ZNF761: variants seen among roughly 807,000 people sequenced by gnomAD.
ZNF761 encodes the protein zinc finger protein 761.
ZNF761 carries 43 observed loss-of-function variants against 59.9 expected under a neutral mutation model. The ratio of observed to expected loss-of-function variants is 0.72; its 90% CI spans 0.56 to 0.92. ZNF761 has a LOEUF of 0.92. ZNF761 is among the 40% of genes least tolerant of loss of function. The pLI, the probability that ZNF761 is intolerant of heterozygous loss-of-function variation, is 0.00. For synonymous variants in ZNF761, 294 were observed against 304.8 expected, an observed-to-expected ratio of 0.96 and a Z score of 0.37; for missense variants, 850 against 906.1, an observed-to-expected ratio of 0.94 and a Z score of 0.79.
chr19:53,449,452 T>A, intron 3 of ZNF761, 60 bp from the exon 4 acceptor site: 1 of 1,613,454 alleles, frequency 6.2e-7, no homozygotes, highest in Non-Finnish European at 8.5e-7. Flanking sequence ...TTCTTCTCAT[T>A]TTCTGTAAAG....
chr19:53,454,692 C>T lies in ZNF761; in HGVS notation c.185C>T (p.Ala62Val), dbSNP rs148252402. The T allele has an allele frequency of 1.3e-4, 204 of 1,611,116 alleles. No individual in the cohort carries two copies. The highest frequency in any genetic ancestry group is 1.5e-4 in the Non-Finnish European group (179 of 1,178,276). ...ACGATGAAGGAGTTCTTGTCAACAG[C>T]GCAAGGCAACAGAGAAGTGTTCCAT... is the stretch of plus-strand genomic sequence containing the variant. The part of the protein sequence containing the change: ...KCTMKEFLST[A>V]QGNREVFHAG... Residue 62 changes from alanine to valine, a missense_variant, in exon 5 of 5, where the codon GCG becomes GTG. Physicochemically the swap from Ala to Val is moderately conservative, Grantham distance 64. Transcript: ENST00000684525.
intron 3 of ZNF761, among the ~76,000 whole-genome samples, chr19:53,447,740 A>G (rs183008413): frequency 1.4e-4 from 21 of 152,296 alleles, no homozygotes; most frequent in African/African-American, 5.1e-4. Flanking sequence ...ATACATTTTT[A>G]GTTTTTTGAG....
chr19:53,447,955 C>T (rs2086178510), intron 3 of ZNF761, among the ~76,000 whole-genome samples: 1 of 152,122 alleles, frequency 6.6e-6, no homozygotes, highest in African/African-American at 2.4e-5. Context: ...GCTTGTGAAA[C>T]AGGTGTTTTC....
At chr19:53,451,058 T>TCAGAATTATTTC (rs552697068) in intron 4 of ZNF761, among the ~76,000 whole-genome samples, 130 of 152,262 alleles carry the variant, frequency 8.5e-4, no homozygotes, top group African/African-American at 2.9e-3. Flanking sequence ...TGTATTTATG[T>TCAGAATTATTTC]CAGAATTATT....
intron 3 of ZNF761, among the ~76,000 whole-genome samples, chr19:53,447,655 T>G (rs1427737482): frequency 1.3e-5 from 2 of 152,172 alleles, no homozygotes; most frequent in Admixed American, 6.5e-5. Context: ...AGTCATGTAT[T>G]CATGTGCACA....
intron 1 of ZNF761, among the ~76,000 whole-genome samples, chr19:53,435,289 CTTTTTTTTTTTTTTTTTTT>C (rs368157010): frequency 3.7e-5 from 2 of 53,616 alleles, no homozygotes; most frequent in South Asian, 6.7e-4. Context: ...AATACAAGTC[CTTTTTTTTTTTTTTTTTTT>C]TTTTTTTTTT....
intron 1 of ZNF761, chr19:53,443,025 A>G (rs949508383): frequency 3.5e-5 from 10 of 288,674 alleles, no homozygotes; most frequent in Non-Finnish European, 6.1e-5. Flanking sequence ...AACAATTTCT[A>G]AATAGTTTCT....
chr19:53,440,365 T>C (rs991710532), intron 1 of ZNF761, among the ~76,000 whole-genome samples: 2 of 152,142 alleles, frequency 1.3e-5, no homozygotes, highest in African/African-American at 4.8e-5. Context: ...TGGGTTCAGA[T>C]GAGTGGGTGA....
At chr19:53,435,454 G>A (rs79666086) in intron 1 of ZNF761, among the ~76,000 whole-genome samples, 4,644 of 151,630 alleles carry the variant, frequency 0.031, 124 homozygotes, top group East Asian at 0.14. Flanking sequence ...ACAGGCATGC[G>A]CCACCATGCC....
chr19:53,443,004 A>C, intron 1 of ZNF761: 1 of 277,876 alleles, frequency 3.6e-6, no homozygotes, highest in South Asian at 3.2e-5. Context: ...AATTTGTTAG[A>C]TTTTTAAAAA....
At chr19:53,449,764 C>T (rs1788225470) in intron 4 of ZNF761, 126 bp downstream of exon 4, 1 of 1,517,072 alleles carries the variant, frequency 6.6e-7, no homozygotes, top group South Asian at 1.3e-5. Flanking sequence ...TCATGGCTCA[C>T]TGCAGTCTTG....
chr19:53,445,908 C>T (rs2086154001), intron 1 of ZNF761, among the ~76,000 whole-genome samples: 1 of 152,130 alleles, frequency 6.6e-6, no homozygotes, highest in Admixed American at 6.5e-5. Context: ...GTGACCAGGG[C>T]CCCTGCCAGT....
intron 3 of ZNF761, among the ~76,000 whole-genome samples, chr19:53,448,357 C>T (rs1352682820): frequency 1.3e-5 from 2 of 152,220 alleles, no homozygotes; most frequent in African/African-American, 4.8e-5. Context: ...ATGATGTATC[C>T]ATTTGTTTTG....
chr19:53,450,250 C>G (rs2086208872), intron 4 of ZNF761: 1 of 166,846 alleles, frequency 6.0e-6, no homozygotes, highest in South Asian at 2.0e-4. Flanking sequence ...TTGCAGTGAG[C>G]CAAGATCACC....
chr19:53,442,944 ATTTTTT>A (rs2086115458), intron 1 of ZNF761: 1 of 324,072 alleles, frequency 3.1e-6, no homozygotes, highest in Non-Finnish European at 6.0e-6. Flanking sequence ...AGCTCACATC[ATTTTTT>A]TCTGTACAAG....
At chr19:53,452,261 T>G (rs973659614) in intron 4 of ZNF761, among the ~76,000 whole-genome samples, 3 of 152,142 alleles carry the variant, frequency 2.0e-5, no homozygotes, top group African/African-American at 7.2e-5. Context: ...GAGGGGCAGA[T>G]CACCTGATTT....
rs200075395 is a variant in ZNF761 at position 53,449,601 on chromosome 19, C to T, written c.105C>T (p.Asp35=). The part of the protein sequence containing the change: ...LDPAQRTLYR[D]VMLENYRNLV... ...CTGCTCAGAGGACTCTATACAGGGA[C>T]GTGATGCTGGAGAATTATAGGAACC... The change falls in exon 4 of 5, where the codon GAC becomes GAT. Residue 35 remains aspartate (D), a synonymous_variant. Transcript: ENST00000684525. 3.2e-5 allele frequency: 52 copies of T among 1,611,420 alleles called. No individual in the cohort carries two copies. The highest frequency in any genetic ancestry group is 6.6e-5 in the South Asian group (6 of 90,818).
intron 1 of ZNF761, among the ~76,000 whole-genome samples, chr19:53,440,952 A>G (rs191874089): frequency 6.6e-6 from 1 of 152,308 alleles, no homozygotes; most frequent in East Asian, 1.9e-4. Flanking sequence ...CTGGGATTAC[A>G]AGGATAAGCC....
rs531744761 is a variant in ZNF761 at position 53,454,974 on chromosome 19, C to T, written c.467C>T (p.Thr156Ile). 1 of 1,613,958 alleles carries T rather than the reference C, an allele frequency of 6.2e-7. No individual in the cohort carries two copies. The highest frequency in any genetic ancestry group is 1.7e-5 in the Admixed American group (1 of 59,982). Residue 156 changes from threonine to isoleucine, a missense_variant, in exon 5 of 5, where the codon ACC (threonine) becomes ATC (isoleucine). By Grantham distance (89) the Thr-to-Ile change is moderately conservative (BLOSUM62 -1). Transcript: ENST00000684525. ...CTGCCTGAAATGCACATATTTCAGA[C>T]CGAAGAGAAAATTGATAATCAAGTT... Reference protein sequence around the residue: ...SHLPEMHIFQTEEKIDNQVVK... With the variant: ...SHLPEMHIFQIEEKIDNQVVK...
Sources: gnomAD v4.1 joint callset for allele counts (sites outside exome capture counted in the v4.1 genomes callset) on GRCh38, gnomAD v4.1.1 for gene constraint, MANE v1.5 for transcripts, NCBI Gene and HGNC (gene_info 2026-07-23, HGNC 2026-07-21) for gene names.